Variants in OSBP2 observed in about 807,000 individuals in gnomAD.
The protein encoded by OSBP2 is oxysterol binding protein 2.
In OSBP2, 66 loss-of-function variants were observed where a neutral mutation model predicts 96.0. The observed-to-expected ratio is 0.69, with a 90% confidence interval of 0.56 to 0.84. The LOEUF (loss-of-function observed/expected upper bound fraction) is 0.84, where lower values mean the gene tolerates loss of function less well. OSBP2 is among the 40% of genes least tolerant of loss of function. The probability of loss-of-function intolerance (pLI) is 0.00; values close to 1 mark genes in which losing one functional copy is unlikely to be tolerated. For missense variants in OSBP2, 1,038 were observed against 1,222.7 expected (o/e 0.85, Z 2.25); for synonymous variants, 525 against 520.9 (o/e 1.01, Z -0.11).
At chr22:30,723,227 C>T (rs5753287) in intron 1 of OSBP2, among the ~76,000 whole-genome samples, 19,780 of 151,944 alleles carry the variant, frequency 0.13, 1,957 homozygotes, top group East Asian at 0.38. Context: ...CTGCCTCAGC[C>T]TCCTGAGTAG....
intron 2 of OSBP2, chr22:30,822,724 G>T: frequency 6.6e-7 from 1 of 1,518,226 alleles, no homozygotes; most frequent in Non-Finnish European, 8.8e-7. Context: ...GTGCTTGCCG[G>T]GCTTCCACCC....
In OSBP2 at chr22:30,704,123, G is replaced by A. The variant is rs191798841; in HGVS notation, c.644+8570G>A. On this transcript the variant is annotated intron_variant, in intron 1 of 13. Coordinates refer to ENST00000332585, the MANE Select transcript of OSBP2 (RefSeq NM_030758.4). Reference sequence around the variant, plus strand: ...GTGGGGTCCTGGGTTGGAGGTCTCCGAAAGTAACCCCAGGCTCAATGACCC... The same window carrying A: ...GTGGGGTCCTGGGTTGGAGGTCTCCAAAAGTAACCCCAGGCTCAATGACCC... Among the ~76,000 whole-genome samples the A allele has an allele frequency of 5.3e-5, 8 of 152,284 alleles. No homozygotes were observed. The East Asian group carries it at 1.2e-3, about 22-fold the overall frequency.
Position 30,742,784 on chromosome 22 carries a change from G to A in OSBP2, c.853+1415G>A, listed in dbSNP as rs556082853. 1.2e-4 allele frequency among the ~76,000 whole-genome samples: 19 copies of A among 152,302 alleles called. No individual in the cohort carries two copies. In the South Asian group the frequency reaches 3.7e-3, roughly 30 times the overall value. On this transcript the variant is annotated intron_variant, in intron 2 of 13. Coordinates refer to ENST00000332585, the MANE Select transcript of OSBP2 (RefSeq NM_030758.4). ...TTTCCTTATTTTGTTGTGACATACT[G>A]TGCTGCCATGAGTAACCTTGCAAGT... is the stretch of plus-strand genomic sequence containing the variant.
Position 30,695,259 on chromosome 22 carries a change from G to A in OSBP2, c.350G>A (p.Gly117Glu). ...GSESSSGVGA[G>E]PFTKAASEPL... ...GAGTCAAGCTCAGGTGTAGGGGCTG[G>A]GCCCTTCACTAAGGCCGCATCGGAG... The change falls in exon 1 of 14, where the codon GGG (glycine) becomes GAG (glutamate). Residue 117 changes from glycine to glutamate, a missense_variant. Around this residue, in one of 3 missense-constraint regions of OSBP2, gnomAD observed 281 missense variants for 273.4 expected, o/e 1.03. Transcript: ENST00000332585. 1 of 1,613,480 alleles carries A rather than the reference G, an allele frequency of 6.2e-7. No individual in the cohort carries two copies. Among genetic ancestry groups the A allele is most frequent in the Non-Finnish European group, 8.5e-7 (1 of 1,180,008 alleles).
chr22:30,870,812 G>C lies in OSBP2; in HGVS notation c.1107+130G>C. 5.3e-6 allele frequency: 5 copies of C among 951,990 alleles called. No homozygotes were observed. The highest frequency in any genetic ancestry group is 7.7e-6 in the Non-Finnish European group (5 of 646,712). 59.0% of individuals were successfully genotyped at this position (951,990 alleles called of 1,614,324 possible). ...CTGCGGTTCCACGGTGTTTCCCAAA[G>C]CCAGCGCCCCCCAGCTAGCTTCCGA... is the stretch of plus-strand genomic sequence containing the variant. On this transcript the variant is annotated intron_variant, in intron 3 of 13. Coordinates refer to ENST00000332585, the MANE Select transcript of OSBP2 (RefSeq NM_030758.4). This position sits in a 1 kb window ranked among gnomAD's most constrained non-coding sequence, Gnocchi z 4.1.
At chr22:30,815,808 T>C (rs1445745705) in intron 2 of OSBP2, among the ~76,000 whole-genome samples, 2 of 152,226 alleles carry the variant, frequency 1.3e-5, no homozygotes, top group South Asian at 4.1e-4. Flanking sequence ...GGCTGTGTAA[T>C]ATTCCACTGA....
intron 2 of OSBP2, among the ~76,000 whole-genome samples, chr22:30,829,146 T>C (rs899249907): frequency 6.6e-6 from 1 of 152,166 alleles, no homozygotes; most frequent in African/African-American, 2.4e-5. Context: ...CCAAGGAGCC[T>C]GGAGAACATA....
At chr22:30,858,235 T>C (rs372540918) in intron 2 of OSBP2, among the ~76,000 whole-genome samples, 5,480 of 149,214 alleles carry the variant, frequency 0.037, 192 homozygotes, top group African/African-American at 0.098. Context: ...CAAGCTCCGC[T>C]TCCCGGGTTC....
Position 30,902,641 on chromosome 22 carries a change from G to T in OSBP2, c.2376-3196G>T, listed in dbSNP as rs2040240448. 4 of 624,442 alleles carry T rather than the reference G, an allele frequency of 6.4e-6. No individual in the cohort carries two copies. In the East Asian group the frequency reaches 1.2e-4, roughly 19 times the overall value. The allele number at this position is 624,442 out of a possible 1,614,324, so 38.7% of individuals were successfully genotyped here. A position where few individuals can be genotyped will look rare whatever the true frequency, so the allele number is the denominator to read the frequency against. The stretch of plus-strand genomic sequence containing the variant: ...ACATGGATTTCAAAGAACCGACAGA[G>T]GAGGGAAGAGCACAAAGACCACGAC... On this transcript the variant is annotated intron_variant, in intron 12 of 13. Coordinates refer to ENST00000332585, the MANE Select transcript of OSBP2 (RefSeq NM_030758.4).
At chr22:30,893,336 G>C in intron 9 of OSBP2, 94 bp downstream of exon 9, 1 of 1,571,960 alleles carries the variant, frequency 6.4e-7, no homozygotes, top group Non-Finnish European at 8.7e-7. Context: ...GGGCTTCCAA[G>C]GGAGACCTCC....
At chr22:30,841,726 C>T (rs1368330605) in intron 2 of OSBP2, among the ~76,000 whole-genome samples, 1 of 152,170 alleles carries the variant, frequency 6.6e-6, no homozygotes, top group East Asian at 1.9e-4. Flanking sequence ...GTAGACCTGG[C>T]ATGGTGGCTC....
intron 1 of OSBP2, among the ~76,000 whole-genome samples, chr22:30,707,560 C>A (rs1484698199): frequency 6.7e-6 from 1 of 150,272 alleles, no homozygotes; most frequent in Admixed American, 6.6e-5. Flanking sequence ...TAAAAATACA[C>A]AAAAAAAATT....
At chr22:30,746,065 T>C (rs935873435) in intron 2 of OSBP2, among the ~76,000 whole-genome samples, 6 of 152,114 alleles carry the variant, frequency 3.9e-5, no homozygotes, top group Admixed American at 2.0e-4. Flanking sequence ...TCAAAGATCT[T>C]GAAACTAAGG....
chr22:30,842,985 C>T lies in OSBP2; in HGVS notation c.854-27444C>T, dbSNP rs556583054. ...TTTTAGTAGAGACGAGGTTTCACCA[C>T]GTTGGCCAGGCTGGTCTCAAACTCC... is the stretch of plus-strand genomic sequence containing the variant. On this transcript the variant is annotated intron_variant, in intron 2 of 13. Transcript: ENST00000332585. Among the ~76,000 whole-genome samples, 21 of 152,022 alleles carry T rather than the reference C, an allele frequency of 1.4e-4. No individual in the cohort carries two copies. The East Asian group carries it at 2.3e-3, about 17-fold the overall frequency.
intron 1 of OSBP2, among the ~76,000 whole-genome samples, chr22:30,710,537 A>C (rs1226893305): frequency 6.6e-6 from 1 of 151,502 alleles, no homozygotes; most frequent in East Asian, 1.9e-4. Context: ...TGATAGAATT[A>C]GTGTTTAATA....
rs114017249 is a variant in OSBP2 at position 30,826,034 on chromosome 22, C to T, written c.854-44395C>T. On this transcript the variant is annotated intron_variant, in intron 2 of 13. Coordinates refer to ENST00000332585, the MANE Select transcript of OSBP2 (RefSeq NM_030758.4). ...AGAAAACTTGGTGGCAACGGTGCAT[C>T]GGCCTCTGTGAGTGGCTGTGATGTG... Among the ~76,000 whole-genome samples, 967 of 152,194 alleles carry T rather than the reference C, an allele frequency of 6.4e-3. 11 individuals carry two copies. Among genetic ancestry groups the T allele is most frequent in the African/African-American group, 0.022 (900 of 41,508 alleles).
intron 2 of OSBP2, among the ~76,000 whole-genome samples, chr22:30,796,692 G>T (rs2090767491): frequency 6.6e-6 from 1 of 151,962 alleles, no homozygotes; most frequent in African/African-American, 2.4e-5. Flanking sequence ...TTTTAGTAGA[G>T]ACAGGGGGGT....
At chr22:30,760,163 C>A (rs934505653) in intron 2 of OSBP2, among the ~76,000 whole-genome samples, 1 of 147,324 alleles carries the variant, frequency 6.8e-6, no homozygotes, top group Non-Finnish European at 1.5e-5. Context: ...CCACTGCACC[C>A]GGCTTTTTTT....
intron 2 of OSBP2, chr22:30,803,072 C>T (rs1475537886): frequency 4.9e-6 from 1 of 204,720 alleles, no homozygotes; most frequent in Non-Finnish European, 9.6e-6. Context: ...GGACTGAGAG[C>T]GCGGCGGCGG....
Sources: allele counts gnomAD v4.1 joint callset (sites outside exome capture counted in the v4.1 genomes callset), GRCh38; gene constraint gnomAD v4.1.1; regional missense constraint gnomAD v4.1.1; non-coding constraint Gnocchi (gnomAD v3.1); transcripts MANE v1.5; gene names NCBI Gene and HGNC (gene_info 2026-07-23, HGNC 2026-07-21).